The following GRM7 variants were observed in gnomAD, a reference collection of about 807,000 sequenced individuals.
GRM7 encodes glutamate metabotropic receptor 7, also known as metabotropic glutamate receptor 7.
GRM7 carries 35 observed loss-of-function variants against 84.5 expected under a neutral mutation model. The ratio of observed to expected loss-of-function variants is 0.41; its 90% CI spans 0.32 to 0.55. The LOEUF (loss-of-function observed/expected upper bound fraction) is 0.55. Ranked by LOEUF, GRM7 falls within the 20% of genes least tolerant of loss-of-function variation. The pLI, the probability that GRM7 is intolerant of heterozygous loss-of-function variation, is 0.19. For missense variants in GRM7, 1,003 were observed against 1,194.6 expected (o/e 0.84, Z 2.36); for synonymous variants, 487 against 455.1 (o/e 1.07, Z -0.89).
intron 9 of GRM7, among the ~76,000 whole-genome samples, chr3:7,705,188 G>C (rs377212362): frequency 5.9e-5 from 9 of 152,210 alleles, no homozygotes; most frequent in African/African-American, 2.2e-4. Context: ...GAATGTGAAG[G>C]CCTTTTTGAA....
intron 8 of GRM7, among the ~76,000 whole-genome samples, chr3:7,628,258 G>C (rs1348063785): frequency 6.6e-6 from 1 of 152,050 alleles, no homozygotes; most frequent in East Asian, 1.9e-4. Context: ...AGGGCCTACT[G>C]TGTGCCCAGC....
chr3:7,208,279 C>A (rs981905771), intron 2 of GRM7, among the ~76,000 whole-genome samples: 14 of 150,752 alleles, frequency 9.3e-5, no homozygotes, highest in Non-Finnish European at 3.0e-5. Context: ...CTGGCCTTCA[C>A]TGACCTCAAT....
intron 4 of GRM7, among the ~76,000 whole-genome samples, chr3:7,314,224 G>A (rs1049640556): frequency 6.6e-6 from 1 of 152,062 alleles, no homozygotes; most frequent in African/African-American, 2.4e-5. Context: ...TATAATGTGT[G>A]CTCAGGATTA....
intron 2 of GRM7, among the ~76,000 whole-genome samples, chr3:7,215,100 G>A (rs1696557508): frequency 6.6e-6 from 1 of 152,186 alleles, no homozygotes; most frequent in Admixed American, 6.5e-5. Flanking sequence ...GACATATTTA[G>A]TTGTGCATAA....
intron 1 of GRM7, among the ~76,000 whole-genome samples, chr3:6,905,869 A>C (rs1180724958): frequency 1.3e-5 from 2 of 152,088 alleles, no homozygotes; most frequent in Admixed American, 6.5e-5. Context: ...TGATGGTATG[A>C]TTTTCTTCCT....
intron 2 of GRM7, among the ~76,000 whole-genome samples, chr3:7,193,332 T>C (rs1398785619): frequency 2.0e-5 from 3 of 152,100 alleles, no homozygotes; most frequent in Non-Finnish European, 2.9e-5. Context: ...TAGTTGCTTA[T>C]TGGATTTCAT....
chr3:7,301,731 T>C (rs965818068), intron 3 of GRM7, among the ~76,000 whole-genome samples: 1 of 152,214 alleles, frequency 6.6e-6, no homozygotes, highest in African/African-American at 2.4e-5. Flanking sequence ...ATAATTATTC[T>C]TGAGCACAGT....
At chr3:7,109,903 A>G (rs1481245319) in intron 1 of GRM7, among the ~76,000 whole-genome samples, 1 of 152,020 alleles carries the variant, frequency 6.6e-6, no homozygotes, top group Non-Finnish European at 1.5e-5. Flanking sequence ...TCTAGAGTTG[A>G]TTTTTGTTTT....
intron 7 of GRM7, among the ~76,000 whole-genome samples, chr3:7,552,998 T>G (rs1693563543): frequency 6.6e-6 from 1 of 152,238 alleles, no homozygotes; most frequent in Non-Finnish European, 1.5e-5. Flanking sequence ...CTACTTCCCT[T>G]TTAAACATAA....
chr3:7,421,915 G>T (rs1696411671), intron 5 of GRM7, among the ~76,000 whole-genome samples: 1 of 86,444 alleles, frequency 1.2e-5, no homozygotes, highest in South Asian at 3.8e-4. Flanking sequence ...TCTACAAACA[G>T]TAAAAAAAAA....
chr3:7,317,029 G>A (rs1187226973), intron 4 of GRM7, among the ~76,000 whole-genome samples: 1 of 152,108 alleles, frequency 6.6e-6, no homozygotes, highest in East Asian at 1.9e-4. Context: ...ACCAGGTAAC[G>A]TAACTGTTTT....
chr3:7,023,495 G>A (rs1575141867), intron 1 of GRM7, among the ~76,000 whole-genome samples: 1 of 152,190 alleles, frequency 6.6e-6, no homozygotes, highest in East Asian at 1.9e-4. Context: ...CAACATAAGG[G>A]GCACTCACCG....
At chr3:6,940,594 C>A (rs890274851) in intron 1 of GRM7, among the ~76,000 whole-genome samples, 3 of 152,122 alleles carry the variant, frequency 2.0e-5, no homozygotes, top group South Asian at 2.1e-4. Flanking sequence ...TTTAAAAGAA[C>A]CTACAGTTTC....
At chr3:7,606,593 G>A (rs1172885971) in intron 8 of GRM7, among the ~76,000 whole-genome samples, 1 of 152,110 alleles carries the variant, frequency 6.6e-6, no homozygotes, top group Non-Finnish European at 1.5e-5. Flanking sequence ...GTGTGCAGTG[G>A]CGCAATCTCG....
rs887824162 is a variant in GRM7, at chr3:7,368,160, C to T, written c.1034-46863C>T. On this transcript the variant is annotated intron_variant, in intron 4 of 9. Transcript: ENST00000357716. ...TTAAGCTGTGTGGACTTCTTATCTGCCCGGGAGATTGGTTTACAAAGACTA... is the reference window on the plus strand; with the variant it reads ...TTAAGCTGTGTGGACTTCTTATCTGTCCGGGAGATTGGTTTACAAAGACTA... Among the ~76,000 whole-genome samples, 9 of 151,874 alleles carry T rather than the reference C, an allele frequency of 5.9e-5. 1 individual carries two copies. The highest frequency in any genetic ancestry group is 1.9e-4 in the African/African-American group (8 of 41,374).
At chr3:7,405,943 T>C (rs1283250204) in intron 4 of GRM7, among the ~76,000 whole-genome samples, 1 of 151,824 alleles carries the variant, frequency 6.6e-6, no homozygotes, top group Non-Finnish European at 1.5e-5. Context: ...ACATTGATAT[T>C]AGATAATGTA....
intron 9 of GRM7, chr3:7,693,618 G>GTTGTT (rs1553638484): frequency 1.3e-6 from 2 of 1,497,106 alleles, no homozygotes; most frequent in Non-Finnish European, 1.8e-6. Flanking sequence ...GACTTGAGCT[G>GTTGTT]TTGTTTTTAT....
intron 1 of GRM7, among the ~76,000 whole-genome samples, chr3:6,941,549 T>A (rs966086239): frequency 6.6e-6 from 1 of 152,196 alleles, no homozygotes; most frequent in Non-Finnish European, 1.5e-5. Context: ...ATCTAACCTC[T>A]AATCGTGTGA....
intron 1 of GRM7, among the ~76,000 whole-genome samples, chr3:7,026,719 T>C (rs553276698): frequency 1.3e-5 from 2 of 152,316 alleles, no homozygotes; most frequent in African/African-American, 4.8e-5. Flanking sequence ...GGTTCTCTCT[T>C]ACTCTTCACT....
Sources: allele counts gnomAD v4.1 joint callset (sites outside exome capture counted in the v4.1 genomes callset), GRCh38; gene constraint gnomAD v4.1.1; transcripts MANE v1.5; gene names NCBI Gene and HGNC (gene_info 2026-07-23, HGNC 2026-07-21).